The following MYO18B variants were observed in gnomAD, a reference collection of about 807,000 sequenced individuals.
MYO18B encodes the protein unconventional myosin-XVIIIb.
MYO18B carries 204 observed loss-of-function variants against 273.0 expected under a neutral mutation model. That is an observed-to-expected ratio of 0.75 (90% CI 0.67 to 0.84). The LOEUF (loss-of-function observed/expected upper bound fraction) is 0.84, where lower values mean the gene tolerates loss of function less well. Ranked by LOEUF, MYO18B falls within the 40% of genes least tolerant of loss-of-function variation. MYO18B has a pLI of 0.00. For missense variants in MYO18B, 3,212 were observed against 3,287.6 expected (o/e 0.98, Z 0.56); for synonymous variants, 1,330 against 1,305.7 (o/e 1.02, Z -0.40).
At chr22:25,880,846 A>G (rs1421541384) in intron 25 of MYO18B, among the ~76,000 whole-genome samples, 1 of 152,232 alleles carries the variant, frequency 6.6e-6, no homozygotes, top group East Asian at 1.9e-4. Context: ...ATTCCATGGA[A>G]GGGGATGTTG....
the MYO18B span, among the ~76,000 whole-genome samples, chr22:26,049,748 G>A: frequency 3.3e-5 from 5 of 152,196 alleles, no homozygotes; most frequent in African/African-American, 1.2e-4. Flanking sequence ...CTGAGTTTGT[G>A]TCCTGACCAC....
Position 25,785,413 on chromosome 22 carries a change from C to G in MYO18B, c.2313-15C>G. On this transcript the variant is annotated splice_polypyrimidine_tract_variant and intron_variant, in intron 10 of 43. Coordinates refer to ENST00000335473, the MANE Select transcript of MYO18B (RefSeq NM_032608.7). ...GGACAGCCCCCCTGACTCCTGGTTC[C>G]TTCTGTGCTTCCAGGACGGAGCTGA... 1 of 1,601,808 alleles carries G rather than the reference C, an allele frequency of 6.2e-7. No homozygotes were observed. The highest frequency in any genetic ancestry group is 8.5e-7 in the Non-Finnish European group (1 of 1,174,518).
chr22:25,766,476 G>A (rs561303684), intron 3 of MYO18B, among the ~76,000 whole-genome samples: 29 of 152,304 alleles, frequency 1.9e-4, no homozygotes, highest in African/African-American at 6.0e-4. Flanking sequence ...AGGTGGCCAC[G>A]CTGTGACTGG....
intron 39 of MYO18B, among the ~76,000 whole-genome samples, chr22:25,968,307 C>T (rs2093000437): frequency 6.6e-6 from 1 of 152,184 alleles, no homozygotes; most frequent in Non-Finnish European, 1.5e-5. Context: ...GTAGAGTCAG[C>T]TCCACCCTAG....
At chr22:26,035,579 G>C (rs1312713659), downstream of MYO18B, among the ~76,000 whole-genome samples, 3 of 152,168 alleles carry the variant, frequency 2.0e-5, no homozygotes, top group African/African-American at 7.2e-5. Flanking sequence ...ATGAATTCCT[G>C]ATCGGAGAAC....
chr22:25,772,264 GGGGGT>G, intron 6 of MYO18B, 65 bp from the exon 7 acceptor site: 1 of 1,486,294 alleles, frequency 6.7e-7, no homozygotes, highest in Non-Finnish European at 9.2e-7. Flanking sequence ...TTGGTTGCGG[GGGGGT>G]GGGGTGGGGG....
rs2092916696 is a variant in MYO18B, at chr22:25,961,368, G to A, written c.6156+6004G>A. On this transcript the variant is annotated intron_variant, in intron 39 of 43. Coordinates refer to ENST00000335473, the MANE Select transcript of MYO18B (RefSeq NM_032608.7). Reference sequence around the variant, plus strand: ...TAGATTTTTCCACCTCTGGTTGTCTGCCTCTCATCCTCTTACCTGTTCTAC... The same window carrying A: ...TAGATTTTTCCACCTCTGGTTGTCTACCTCTCATCCTCTTACCTGTTCTAC... Among the ~76,000 whole-genome samples the A allele has an allele frequency of 1.3e-5, 2 of 152,142 alleles. 1 individual carries two copies. The highest frequency in any genetic ancestry group is 4.1e-4 in the South Asian group (2 of 4,820).
chr22:25,763,807 A>G (rs961649662), intron 3 of MYO18B, among the ~76,000 whole-genome samples: 3 of 152,224 alleles, frequency 2.0e-5, no homozygotes, highest in African/African-American at 7.2e-5. Context: ...TGAATAAATG[A>G]TATTCATTGA....
intron 22 of MYO18B, among the ~76,000 whole-genome samples, chr22:25,871,908 A>G (rs754289181): frequency 1.3e-5 from 2 of 152,200 alleles, no homozygotes; most frequent in Non-Finnish European, 2.9e-5. Flanking sequence ...TTCATAATCA[A>G]TAGTGGTTTT....
intron 12 of MYO18B, among the ~76,000 whole-genome samples, chr22:25,802,964 TTC>T (rs1434519811): frequency 3.1e-5 from 4 of 130,844 alleles, no homozygotes; most frequent in South Asian, 2.7e-4. Context: ...TCTTTTTTCT[TTC>T]TTTTTTTTTT....
chr22:25,764,277 C>T (rs750344457), intron 3 of MYO18B, among the ~76,000 whole-genome samples: 34 of 152,226 alleles, frequency 2.2e-4, no homozygotes, highest in Non-Finnish European at 5.9e-5. Context: ...AGTGCTATTT[C>T]TCTCTTGTCC....
At chr22:25,910,915 C>G in intron 32 of MYO18B, 31 bp from the exon 33 acceptor site, 1 of 1,519,276 alleles carries the variant, frequency 6.6e-7, no homozygotes, top group Non-Finnish European at 9.0e-7. Flanking sequence ...GTTCATTTAC[C>G]CTGTGATGTT....
intron 39 of MYO18B, among the ~76,000 whole-genome samples, chr22:25,973,570 C>T (rs779735868): frequency 6.6e-6 from 1 of 152,176 alleles, no homozygotes; most frequent in Non-Finnish European, 1.5e-5. Flanking sequence ...ACATGGTAGC[C>T]ACCAGCCTCA....
At chr22:26,024,565 C>T (rs1022132684) in intron 42 of MYO18B, among the ~76,000 whole-genome samples, 7 of 151,298 alleles carry the variant, frequency 4.6e-5, no homozygotes, top group South Asian at 2.1e-4. Context: ...CAGGTCTTAC[C>T]GTCACCAGAC....
intron 9 of MYO18B, among the ~76,000 whole-genome samples, chr22:25,781,322 A>G (rs2087138959): frequency 6.6e-6 from 1 of 152,192 alleles, no homozygotes; most frequent in African/African-American, 2.4e-5. Flanking sequence ...CGAAGAGTGG[A>G]TCAGAGGCTG....
At chr22:25,846,940 G>A (rs1203830528) in intron 19 of MYO18B, among the ~76,000 whole-genome samples, 1 of 152,066 alleles carries the variant, frequency 6.6e-6, no homozygotes, top group Non-Finnish European at 1.5e-5. Context: ...AATTGGCTGG[G>A]CGTGGTGATG....
chr22:25,783,867 C>T (rs1569013539), intron 10 of MYO18B, among the ~76,000 whole-genome samples: 1 of 152,196 alleles, frequency 6.6e-6, no homozygotes, highest in Admixed American at 6.5e-5. Flanking sequence ...CTCAGGGAGT[C>T]ATTGTCATTC....
At chr22:25,938,657 C>T (rs1374189599) in intron 34 of MYO18B, among the ~76,000 whole-genome samples, 2 of 152,202 alleles carry the variant, frequency 1.3e-5, no homozygotes, top group African/African-American at 4.8e-5. Context: ...TTCCCTCTTT[C>T]CCCCTCGATG....
chr22:25,847,401 T>C (rs897397142), intron 19 of MYO18B, 29 bp from the exon 20 acceptor site: 2 of 1,538,270 alleles, frequency 1.3e-6, no homozygotes, highest in South Asian at 2.4e-5. Flanking sequence ...GTGAGACAAC[T>C]GGCCCTGACC....
Sources: allele counts gnomAD v4.1 joint callset (sites outside exome capture counted in the v4.1 genomes callset), GRCh38; gene constraint gnomAD v4.1.1; transcripts MANE v1.5; gene names NCBI Gene and HGNC (gene_info 2026-07-23, HGNC 2026-07-21).